The following SDK1 variants were observed in gnomAD, a reference collection of about 807,000 sequenced individuals.
The protein encoded by SDK1 is protein sidekick-1.
Under a neutral mutation model 245.5 loss-of-function variants are expected in SDK1, and 157 were observed. The observed-to-expected ratio is 0.64, with a 90% CI of 0.56 to 0.73. The LOEUF (loss-of-function observed/expected upper bound fraction) is 0.73. Among genes scored for constraint, SDK1 ranks in the 30% least tolerant of loss-of-function variants. The probability of loss-of-function intolerance (pLI) is 0.00; values close to 1 mark genes in which losing one functional copy is unlikely to be tolerated. For synonymous variants in SDK1, 1,647 were observed against 1,278.5 expected (o/e 1.29, Z -6.15); for missense variants, 3,583 against 3,002.3 (o/e 1.19, Z -4.52).
At chr7:4,149,532 G>A (rs1310603456) in intron 30 of SDK1, 69 bp downstream of exon 30, 7 of 1,139,718 alleles carry the variant, frequency 6.1e-6, no homozygotes, top group Non-Finnish European at 4.7e-6. Flanking sequence ...CTCCTGTCCA[G>A]ATAGTGGGGA....
In SDK1 at chr7:4,213,071, G is replaced by A. The variant is rs182022679; in HGVS notation, c.5539+2909G>A. Among the ~76,000 whole-genome samples, 11 of 152,282 alleles carry A rather than the reference G, an allele frequency of 7.2e-5. No homozygotes were observed. The East Asian group carries it at 2.1e-3, about 29-fold the overall frequency. On this transcript the variant is annotated intron_variant, in intron 38 of 44. Transcript: ENST00000404826. ...CGAGGTGGGCGGATCACAAGGTCAA[G>A]AGATCGAGACCATCCTGGCCAACAT...
intron 35 of SDK1, among the ~76,000 whole-genome samples, chr7:4,191,546 A>G (rs1227624833): frequency 6.6e-6 from 1 of 152,200 alleles, no homozygotes; most frequent in African/African-American, 2.4e-5. Flanking sequence ...TTCAGCACCC[A>G]CTTGCTCAGC....
chr7:3,355,932 G>A (rs11981998), intron 1 of SDK1, among the ~76,000 whole-genome samples: 15,459 of 152,224 alleles, frequency 0.1, 999 homozygotes, highest in African/African-American at 0.17. Context: ...GTTAAATCAT[G>A]TTCCAGCATT....
intron 5 of SDK1, among the ~76,000 whole-genome samples, chr7:3,862,189 G>A (rs1051895776): frequency 6.6e-6 from 1 of 152,202 alleles, no homozygotes; most frequent in Admixed American, 6.5e-5. Context: ...CTCAGCAGTG[G>A]CTGCATATTT....
rs116555102 is a variant in SDK1 at position 3,350,018 on chromosome 7, T to C, written c.298+48134T>C. Among the ~76,000 whole-genome samples the C allele has an allele frequency of 2.4e-3, 359 of 152,330 alleles. 2 individuals are homozygous for C. The highest frequency in any genetic ancestry group is 8.2e-3 in the African/African-American group (339 of 41,584). ...GGTAGAGGATGAAGTTTGGGGACTT[T>C]GTGCCTCTCACATTTATGCCTGCTT... is the stretch of plus-strand genomic sequence containing the variant. On this transcript the variant is annotated intron_variant, in intron 1 of 44. Transcript: ENST00000404826.
At chr7:3,585,082 T>C (rs1259564268) in intron 1 of SDK1, among the ~76,000 whole-genome samples, 1 of 152,124 alleles carries the variant, frequency 6.6e-6, no homozygotes. Flanking sequence ...TGTGCCTGTT[T>C]CCCTACATCC....
chr7:3,643,978 C>G (rs1034806924), intron 4 of SDK1, among the ~76,000 whole-genome samples: 1 of 150,900 alleles, frequency 6.6e-6, no homozygotes, highest in Non-Finnish European at 1.5e-5. Context: ...TCTCAGCTCA[C>G]TGCAACCTTT....
chr7:3,962,152 C>G (rs1259711837), intron 8 of SDK1, among the ~76,000 whole-genome samples: 1 of 152,218 alleles, frequency 6.6e-6, no homozygotes, highest in African/African-American at 2.4e-5. Context: ...ACAATTATCA[C>G]TAACCTGCAT....
At chr7:3,867,313 G>T (rs1159110951) in intron 5 of SDK1, among the ~76,000 whole-genome samples, 1 of 152,174 alleles carries the variant, frequency 6.6e-6, no homozygotes, top group African/African-American at 2.4e-5. Flanking sequence ...AGCATGTGAA[G>T]AAACTAGAAT....
At chr7:3,471,090 C>CT (rs1781168636) in intron 1 of SDK1, among the ~76,000 whole-genome samples, 1 of 152,150 alleles carries the variant, frequency 6.6e-6, no homozygotes, top group Non-Finnish European at 1.5e-5. Flanking sequence ...GTATATGGGA[C>CT]ATGAGTTGCT....
At chr7:3,760,453 T>G (rs1780065681) in intron 4 of SDK1, among the ~76,000 whole-genome samples, 1 of 152,220 alleles carries the variant, frequency 6.6e-6, no homozygotes. Context: ...TTGCAAAAAA[T>G]GTATGTTATT....
chr7:4,127,607 C>T (rs1175783158), intron 26 of SDK1, 111 bp downstream of exon 26: 7 of 751,734 alleles, frequency 9.3e-6, no homozygotes, highest in Non-Finnish European at 1.4e-5. Context: ...AGATCTGCAG[C>T]GTCAGCCAGT....
At chr7:3,753,239 C>G (rs1284702919) in intron 4 of SDK1, among the ~76,000 whole-genome samples, 1 of 152,174 alleles carries the variant, frequency 6.6e-6, no homozygotes, top group African/African-American at 2.4e-5. Context: ...ATTATAAACC[C>G]TCTTCATTTT....
chr7:3,650,450 T>A (rs1054476177), intron 4 of SDK1, among the ~76,000 whole-genome samples: 3 of 152,152 alleles, frequency 2.0e-5, no homozygotes, highest in African/African-American at 4.8e-5. Context: ...TGGAATCATA[T>A]GGCATTTATC....
intron 42 of SDK1, among the ~76,000 whole-genome samples, chr7:4,241,446 G>A (rs575312887): frequency 6.6e-6 from 1 of 152,260 alleles, no homozygotes; most frequent in South Asian, 2.1e-4. Flanking sequence ...ACCAGCCTGG[G>A]CAACGTAGCG....
rs1781271140 is a variant in SDK1, at chr7:3,474,105, T to TTG, written c.299-144974_299-144973insGT. ...TACCAGATGGTGTTTTTTTTTTTTT[T>TTG]TTTTTTTTTTTTTTTTTGAGACCGT... On this transcript the variant is annotated intron_variant, in intron 1 of 44. Transcript: ENST00000404826. Among the ~76,000 whole-genome samples the TTG allele has an allele frequency of 2.3e-5, 3 of 132,724 alleles. No homozygotes were observed. The Admixed American group carries it at 2.3e-4, about 10-fold the overall frequency. The allele number at this position is 132,724 out of a possible 152,430, so 87.1% of individuals were successfully genotyped here.
intron 1 of SDK1, chr7:3,302,380 G>A (rs1779296477): frequency 6.6e-6 from 1 of 151,904 alleles, no homozygotes; most frequent in Admixed American, 6.6e-5. Flanking sequence ...ACTCCCCCAA[G>A]TCCCAAAGCC....
chr7:3,566,634 C>T (rs1171182811), intron 1 of SDK1, among the ~76,000 whole-genome samples: 3 of 146,996 alleles, frequency 2.0e-5, no homozygotes, highest in Admixed American at 6.9e-5. Flanking sequence ...GGGCAGATGA[C>T]AGAATGGAAA....
At chr7:4,248,258 CACA>C (rs1217951770) in intron 44 of SDK1, among the ~76,000 whole-genome samples, 2 of 151,420 alleles carry the variant, frequency 1.3e-5, no homozygotes, top group Non-Finnish European at 2.9e-5. Context: ...AAATAGAACA[CACA>C]ACACACACAC....
Sources: gnomAD v4.1 joint callset for allele counts (sites outside exome capture counted in the v4.1 genomes callset) on GRCh38, gnomAD v4.1.1 for gene constraint, MANE v1.5 for transcripts, NCBI Gene and HGNC (gene_info 2026-07-23, HGNC 2026-07-21) for gene names.